CENPM: variants seen among roughly 807,000 people sequenced by gnomAD.
CENPM encodes the protein interphase centromere complex protein 39.
CENPM carries 14 observed loss-of-function variants against 19.6 expected under a neutral mutation model. That is an observed-to-expected ratio of 0.71 (90% confidence interval 0.47 to 1.11). The LOEUF (loss-of-function observed/expected upper bound fraction) is 1.11, where lower values mean the gene tolerates loss of function less well. Among genes scored for constraint, CENPM ranks in the 50% most tolerant of loss-of-function variants. The pLI is 0.00. For synonymous variants in CENPM, 114 were observed against 101.5 expected, an observed-to-expected ratio of 1.12 and a Z score of -0.74; for missense variants, 239 against 228.4, an observed-to-expected ratio of 1.05 and a Z score of -0.30.
chr22:41,947,145 C>A lies in CENPM; in HGVS notation c.-69G>T. 1 of 1,519,510 alleles carries A rather than the reference C, an allele frequency of 6.6e-7. No homozygotes were observed. The highest frequency in any genetic ancestry group is 1.4e-5 in the African/African-American group (1 of 72,278). The allele number at this position is 1,519,510 out of a possible 1,614,324, so 94.1% of individuals were successfully genotyped here. A position where few individuals can be genotyped will look rare whatever the true frequency, so the allele number is the denominator to read the frequency against. On this transcript the variant is annotated 5_prime_UTR_variant, in exon 1 of 6. Transcript: ENST00000215980. ...CTTTCAAACCGCCCTGAGTCCAGCC[C>A]CTAGAGCGCGGCCTGGGGGCACGTG...
At chr22:41,946,930 T>A in intron 1 of CENPM, 90 bp downstream of exon 1, 2 of 1,366,012 alleles carry the variant, frequency 1.5e-6, no homozygotes, top group Non-Finnish European at 2.1e-6. Context: ...GCGCGCTGGC[T>A]TGGCGCCTCA....
chr22:41,931,116 G>A, the CENPM span, among the ~76,000 whole-genome samples: 16 of 151,560 alleles, frequency 1.1e-4, no homozygotes, highest in South Asian at 2.1e-3. Flanking sequence ...GATTACAGGC[G>A]TGAGCCACTG....
the CENPM span, among the ~76,000 whole-genome samples, chr22:41,929,686 G>A: frequency 2.0e-5 from 3 of 152,224 alleles, no homozygotes; most frequent in Middle Eastern, 6.8e-3. Flanking sequence ...ACAAATGTTT[G>A]CTGGGCGCTC....
downstream of CENPM, among the ~76,000 whole-genome samples, chr22:41,938,414 G>A (rs2077694502): frequency 7.7e-6 from 1 of 129,720 alleles, no homozygotes; most frequent in Non-Finnish European, 1.5e-5. Flanking sequence ...TGCCCAGGCT[G>A]GAGTGCAGTG....
At chr22:41,944,974 T>C (rs1392106399) in intron 4 of CENPM, 1 of 1,345,982 alleles carries the variant, frequency 7.4e-7, no homozygotes, top group African/African-American at 1.5e-5. Flanking sequence ...ATGTGCAGAT[T>C]TGTTATGTAG....
intron 5 of CENPM, among the ~76,000 whole-genome samples, chr22:41,939,754 G>A (rs1190507717): frequency 1.0e-5 from 1 of 95,734 alleles, no homozygotes; most frequent in African/African-American, 4.3e-5. Context: ...GGAAGAACAC[G>A]ATGCTGCCCA....
At chr22:41,945,170 G>C (rs75965877) in intron 4 of CENPM, 55 bp downstream of exon 4, 2 of 1,612,250 alleles carry the variant, frequency 1.2e-6, no homozygotes, top group Non-Finnish European at 1.7e-6. Context: ...GCCTACGGCC[G>C]CCCCAGCTTT....
chr22:41,945,353 T>C (rs764296882), intron 3 of CENPM, 49 bp from the exon 4 acceptor site: 2 of 1,610,482 alleles, frequency 1.2e-6, no homozygotes, highest in Non-Finnish European at 1.7e-6. Context: ...AACAAAACTT[T>C]ACAACGGAGA....
the CENPM span, among the ~76,000 whole-genome samples, chr22:41,928,876 C>T: frequency 6.7e-6 from 1 of 149,216 alleles, no homozygotes; most frequent in African/African-American, 2.4e-5. This position sits in a 1 kb window ranked among gnomAD's most constrained non-coding sequence, Gnocchi z 4.0. Flanking sequence ...GATGATGCAG[C>T]GGCTGGCCAT....
chr22:41,945,063 C>T, intron 4 of CENPM, 162 bp downstream of exon 4: 2 of 1,490,522 alleles, frequency 1.3e-6, no homozygotes, highest in Non-Finnish European at 1.8e-6. Flanking sequence ...AGTTATTTTT[C>T]CAGATCTTCT....
At chr22:41,931,074 G>A in the CENPM span, among the ~76,000 whole-genome samples, 16 of 151,698 alleles carry the variant, frequency 1.1e-4, no homozygotes, top group South Asian at 6.3e-4. Flanking sequence ...GGTCTCAAGC[G>A]ACCTGCGCGC....
chr22:41,930,356 C>T, the CENPM span, among the ~76,000 whole-genome samples: 6 of 150,372 alleles, frequency 4.0e-5, no homozygotes, highest in South Asian at 6.4e-4. Context: ...CAGCCTCCCA[C>T]GTAGCTGGGA....
chr22:41,941,734 C>A (rs186084545), intron 5 of CENPM, among the ~76,000 whole-genome samples: 2 of 152,348 alleles, frequency 1.3e-5, no homozygotes, highest in African/African-American at 4.8e-5. Context: ...TGTGCCCAGG[C>A]CTCAGGGTCC....
intron 5 of CENPM, 108 bp from the exon 6 acceptor site, chr22:41,939,304 G>A: frequency 7.3e-7 from 1 of 1,363,780 alleles, no homozygotes; most frequent in Non-Finnish European, 9.8e-7. Context: ...ATACTTGGGG[G>A]TAGCTCAGGT....
At chr22:41,946,576 C>A in intron 1 of CENPM, 80 bp from the exon 2 acceptor site, 1 of 1,156,102 alleles carries the variant, frequency 8.6e-7, no homozygotes, top group South Asian at 1.3e-5. Context: ...GACCCACTCC[C>A]GGGGGGATCG....
intron 5 of CENPM, among the ~76,000 whole-genome samples, chr22:41,941,920 T>C (rs1001790839): frequency 6.6e-6 from 1 of 152,230 alleles, no homozygotes. Flanking sequence ...CCTAATGTGA[T>C]ATGAAAACAT....
chr22:41,943,922 CAGTGAGTTGACATCT>C (rs1446043726), intron 4 of CENPM, among the ~76,000 whole-genome samples: 2 of 152,196 alleles, frequency 1.3e-5, no homozygotes, highest in East Asian at 3.8e-4. Flanking sequence ...ACTCTAGAGT[CAGTGAGTTGACATCT>C]AGAAATTACT....
chr22:41,929,537 C>CGAG, the CENPM span, among the ~76,000 whole-genome samples: 12 of 152,182 alleles, frequency 7.9e-5, no homozygotes, highest in Non-Finnish European at 1.3e-4. Flanking sequence ...AGCAGAGACT[C>CGAG]GAGGAGACTG....
intron 3 of CENPM, 184 bp from the exon 4 acceptor site, chr22:41,945,488 T>C: frequency 1.6e-6 from 2 of 1,285,692 alleles, no homozygotes; most frequent in African/African-American, 1.5e-5. Flanking sequence ...TTTCACTTTG[T>C]TGCCCAGGCT....
Sources: allele counts gnomAD v4.1 joint callset (sites outside exome capture counted in the v4.1 genomes callset), GRCh38; gene constraint gnomAD v4.1.1; non-coding constraint Gnocchi (gnomAD v3.1); transcripts MANE v1.5; gene names NCBI Gene and HGNC (gene_info 2026-07-23, HGNC 2026-07-21).